Variants in PKNOX2 observed in about 807,000 individuals in gnomAD.
The protein encoded by PKNOX2 is homeobox protein PKNOX2.
In PKNOX2, 14 loss-of-function variants were observed where a neutral mutation model predicts 53.1. That is an observed-to-expected ratio of 0.26 (90% CI 0.17 to 0.41). The LOEUF (loss-of-function observed/expected upper bound fraction) is 0.41. PKNOX2 is among the 10% of genes least tolerant of loss of function. The pLI is 1.00. For synonymous variants in PKNOX2, 257 were observed against 242.8 expected, an observed-to-expected ratio of 1.06 and a Z score of -0.54; for missense variants, 496 against 602.8, an observed-to-expected ratio of 0.82 and a Z score of 1.85.
At chr11:125,300,299 C>A (rs188846474) in intron 2 of PKNOX2, among the ~76,000 whole-genome samples, 1 of 152,232 alleles carries the variant, frequency 6.6e-6, no homozygotes, top group Non-Finnish European at 1.5e-5. Context: ...CTAATAATAG[C>A]AATAGCAGCT....
chr11:125,218,707 G>C (rs1940817186), intron 1 of PKNOX2, among the ~76,000 whole-genome samples: 1 of 152,184 alleles, frequency 6.6e-6, no homozygotes, highest in South Asian at 2.1e-4. Context: ...GCATGGATTA[G>C]AGGGGACCAG....
rs1391371129 is a variant in PKNOX2, at chr11:125,352,738, G to A, written c.87+1346G>A. Among the ~76,000 whole-genome samples the A allele has an allele frequency of 6.6e-6, 1 of 152,082 alleles. No homozygotes were observed. The highest frequency in any genetic ancestry group is 1.9e-4 in the East Asian group (1 of 5,192). ...TCTCTGAGCACATGTCTACGGCCCC[G>A]CTCCCACATATCAAATCATATTACT... On this transcript the variant is annotated intron_variant, in intron 4 of 12. Coordinates refer to ENST00000298282, the MANE Select transcript of PKNOX2 (RefSeq NM_001382323.2). This position sits in a 1 kb window ranked among gnomAD's most constrained non-coding sequence, Gnocchi z 4.1.
At chr11:125,295,458 A>ATG (rs1410411161) in intron 2 of PKNOX2, among the ~76,000 whole-genome samples, 3 of 152,116 alleles carry the variant, frequency 2.0e-5, no homozygotes, top group East Asian at 1.9e-4. Flanking sequence ...ATGCCTGTGC[A>ATG]TGTGTGTGTG....
At chr11:125,264,704 G>A (rs976241712) in intron 2 of PKNOX2, among the ~76,000 whole-genome samples, 1 of 148,480 alleles carries the variant, frequency 6.7e-6, no homozygotes, top group Non-Finnish European at 1.5e-5. Flanking sequence ...CCCTGAAAAG[G>A]AGGAGACAGA....
intron 1 of PKNOX2, among the ~76,000 whole-genome samples, chr11:125,223,235 CT>C (rs113417834): frequency 1.8e-3 from 258 of 144,904 alleles, no homozygotes; most frequent in Admixed American, 2.1e-3. Context: ...TCTTTTAGTC[CT>C]TTTTTTTTTT....
At chr11:125,192,330 G>A (rs899743889) in intron 1 of PKNOX2, among the ~76,000 whole-genome samples, 4 of 152,214 alleles carry the variant, frequency 2.6e-5, no homozygotes, top group Non-Finnish European at 5.9e-5. Context: ...ATTCACAGGC[G>A]CTGCGGCTAA....
intron 2 of PKNOX2, among the ~76,000 whole-genome samples, chr11:125,248,393 C>G (rs1943720981): frequency 6.6e-6 from 1 of 152,128 alleles, no homozygotes; most frequent in Non-Finnish European, 1.5e-5. Context: ...GACACTGATA[C>G]TCTACAGGCA....
intron 1 of PKNOX2, among the ~76,000 whole-genome samples, chr11:125,204,978 TG>T (rs1320421776): frequency 1.3e-5 from 2 of 152,230 alleles, no homozygotes; most frequent in African/African-American, 4.8e-5. Flanking sequence ...TGTATCCCCA[TG>T]GTGCATTGCG....
intron 2 of PKNOX2, among the ~76,000 whole-genome samples, chr11:125,267,252 C>T (rs1008415220): frequency 1.3e-5 from 2 of 152,210 alleles, no homozygotes; most frequent in Non-Finnish European, 2.9e-5. Context: ...TCCCCTTGTG[C>T]TCATGTGTGT....
At chr11:125,225,469 G>A (rs1221254250) in intron 1 of PKNOX2, among the ~76,000 whole-genome samples, 2 of 152,190 alleles carry the variant, frequency 1.3e-5, no homozygotes, top group Non-Finnish European at 2.9e-5. Flanking sequence ...AAATGAGGAG[G>A]TCAAGAGAGA....
intron 4 of PKNOX2, among the ~76,000 whole-genome samples, chr11:125,355,516 C>T (rs1951556026): frequency 6.6e-6 from 1 of 152,150 alleles, no homozygotes; most frequent in South Asian, 2.1e-4. Flanking sequence ...TGGAATTCTA[C>T]AATGATTGCC....
intron 1 of PKNOX2, among the ~76,000 whole-genome samples, chr11:125,233,140 T>G (rs1380005838): frequency 6.6e-6 from 1 of 152,256 alleles, no homozygotes; most frequent in African/African-American, 2.4e-5. Flanking sequence ...CTTTTAACTT[T>G]TAGCCTGTTC....
At chr11:125,362,614 T>C (rs1951985984) in intron 4 of PKNOX2, among the ~76,000 whole-genome samples, 1 of 152,148 alleles carries the variant, frequency 6.6e-6, no homozygotes, top group Non-Finnish European at 1.5e-5. Context: ...CAAGCAATCC[T>C]CCCACTTCAG....
At chr11:125,331,958 G>T (rs1256886897) in intron 3 of PKNOX2, 33 bp downstream of exon 3, 3 of 152,018 alleles carry the variant, frequency 2.0e-5, no homozygotes, top group Admixed American at 6.5e-5. Flanking sequence ...TTAACATACA[G>T]TTACACCCCC....
At chr11:125,283,269 G>C (rs939181242) in intron 2 of PKNOX2, among the ~76,000 whole-genome samples, 1 of 152,232 alleles carries the variant, frequency 6.6e-6, no homozygotes, top group Non-Finnish European at 1.5e-5. Context: ...ATAGGGCTTA[G>C]TGAAGGCATA....
At chr11:125,391,240 T>G (rs554822999) in intron 6 of PKNOX2, among the ~76,000 whole-genome samples, 1 of 152,232 alleles carries the variant, frequency 6.6e-6, no homozygotes, top group African/African-American at 2.4e-5. Flanking sequence ...CTAGGAGAGA[T>G]AATATTGCCT....
intron 2 of PKNOX2, among the ~76,000 whole-genome samples, chr11:125,321,998 T>G (rs1949538676): frequency 6.6e-6 from 1 of 152,160 alleles, no homozygotes; most frequent in African/African-American, 2.4e-5. Flanking sequence ...CCCTCATAAA[T>G]TAATCACTTC....
chr11:125,198,834 TCTTC>T (rs1384351399), intron 1 of PKNOX2, among the ~76,000 whole-genome samples: 4 of 138,066 alleles, frequency 2.9e-5, no homozygotes, highest in African/African-American at 7.7e-5. Flanking sequence ...TTCTTCTTCT[TCTTC>T]TTCTTTTTTT....
At chr11:125,343,380 A>C (rs548792167) in intron 3 of PKNOX2, among the ~76,000 whole-genome samples, 1 of 151,868 alleles carries the variant, frequency 6.6e-6, no homozygotes, top group South Asian at 2.1e-4. Flanking sequence ...CCTTCCAGCC[A>C]GCATGCTTTT....
Sources: gnomAD v4.1 joint callset for allele counts (sites outside exome capture counted in the v4.1 genomes callset) on GRCh38, gnomAD v4.1.1 for gene constraint, Gnocchi (gnomAD v3.1) non-coding constraint, MANE v1.5 for transcripts, NCBI Gene and HGNC (gene_info 2026-07-23, HGNC 2026-07-21) for gene names.